The following ADAMTS20 variants were observed in gnomAD, a reference collection of about 807,000 sequenced individuals.
ADAMTS20 encodes A disintegrin and metalloproteinase with thrombospondin motifs 20.
Under a neutral mutation model 260.1 loss-of-function variants are expected in ADAMTS20, and 225 were observed. That is an observed-to-expected ratio of 0.87 (90% confidence interval 0.78 to 0.97). The LOEUF is 0.97. Among genes scored for constraint, ADAMTS20 ranks in the 50% least tolerant of loss-of-function variants. The pLI, the probability that ADAMTS20 is intolerant of heterozygous loss-of-function variation, is 0.00. For missense variants in ADAMTS20, 2,400 were observed against 2,337.7 expected, an observed-to-expected ratio of 1.03 and a Z score of -0.55; for synonymous variants, 802 against 769.5, an observed-to-expected ratio of 1.04 and a Z score of -0.70.
At chr12:43,359,028 T>C (rs1279541059) in intron 37 of ADAMTS20, among the ~76,000 whole-genome samples, 1 of 152,092 alleles carries the variant, frequency 6.6e-6, no homozygotes, top group East Asian at 1.9e-4. Context: ...TAGTTCAACA[T>C]ACGAGGTCCT....
chr12:43,462,781 T>G (rs996875942), intron 11 of ADAMTS20, 114 bp downstream of exon 11: 4 of 755,068 alleles, frequency 5.3e-6, no homozygotes, highest in Non-Finnish European at 8.6e-6. Flanking sequence ...ATAACATTAA[T>G]TCGACTAGCT....
rs139705747 is a variant in ADAMTS20 at position 43,453,999 on chromosome 12, A to G, written c.1668T>C (p.Asn556=). Residue 556 remains asparagine, a synonymous_variant, in exon 12 of 39, where the codon AAT becomes AAC. Coordinates refer to ENST00000389420, the MANE Select transcript of ADAMTS20 (RefSeq NM_025003.5). ...AAGGTTCCCATGGTCCCCATTCACC[A>G]TTTACAGGACGTGTTTCCGTTTCTT... ...VNKETETRPV[N]GEWGPWEPYS... is the part of the protein sequence containing the mutation. 6.2e-7 allele frequency: 1 copy of G among 1,613,770 alleles called. No homozygotes were observed. The highest frequency in any genetic ancestry group is 8.5e-7 in the Non-Finnish European group (1 of 1,179,790).
intron 29 of ADAMTS20, among the ~76,000 whole-genome samples, chr12:43,387,097 G>A (rs1053069179): frequency 2.0e-5 from 3 of 152,146 alleles, no homozygotes; most frequent in African/African-American, 7.2e-5. Flanking sequence ...CAGGCTTTTT[G>A]TGCTAGTTTT....
chr12:43,544,101 T>C (rs976359554), intron 2 of ADAMTS20, among the ~76,000 whole-genome samples: 1 of 152,166 alleles, frequency 6.6e-6, no homozygotes, highest in Non-Finnish European at 1.5e-5. Context: ...AGCTTAAATA[T>C]ATTTCATAGA....
chr12:43,500,553 A>G (rs1353814359), intron 4 of ADAMTS20, among the ~76,000 whole-genome samples: 1 of 152,246 alleles, frequency 6.6e-6, no homozygotes, highest in Non-Finnish European at 1.5e-5. Flanking sequence ...CAGAATTTAA[A>G]AAAAGTAATT....
At chr12:43,542,649 T>C (rs1336058105) in intron 2 of ADAMTS20, among the ~76,000 whole-genome samples, 3 of 152,220 alleles carry the variant, frequency 2.0e-5, no homozygotes. Context: ...ATTTAGTTTT[T>C]CCCTATAATA....
At chr12:43,537,118 G>A (rs745753979) in intron 2 of ADAMTS20, among the ~76,000 whole-genome samples, 2 of 151,872 alleles carry the variant, frequency 1.3e-5, no homozygotes, top group South Asian at 2.1e-4. Flanking sequence ...TACCAAGGCC[G>A]GAGTGCAGTG....
chr12:43,404,178 GACACACACACACACACACACACACAC>G (rs3031172), intron 28 of ADAMTS20, among the ~76,000 whole-genome samples: 1 of 145,902 alleles, frequency 6.9e-6, no homozygotes, highest in Non-Finnish European at 1.5e-5. Flanking sequence ...ATATTGTGGG[GACACACACACACACACACACACACAC>G]ACACACACAC....
intron 36 of ADAMTS20, among the ~76,000 whole-genome samples, 152 bp downstream of exon 36, chr12:43,375,227 T>C (rs1286662120): frequency 6.9e-6 from 1 of 145,518 alleles, no homozygotes; most frequent in Non-Finnish European, 1.5e-5. Flanking sequence ...GCAGAGGAAG[T>C]ATGTAGCTAA....
chr12:43,427,544 A>AG, intron 26 of ADAMTS20, 75 bp from the exon 27 acceptor site: 1 of 1,349,302 alleles, frequency 7.4e-7, no homozygotes, highest in South Asian at 1.6e-5. Context: ...AAAAAAAAAA[A>AG]TCAGCATTGA....
At chr12:43,365,868 A>C (rs757788973) in intron 37 of ADAMTS20, among the ~76,000 whole-genome samples, 1 of 151,948 alleles carries the variant, frequency 6.6e-6, no homozygotes, top group Non-Finnish European at 1.5e-5. Context: ...AAGCCTTTGA[A>C]TAACCACTAA....
chr12:43,372,725 A>G (rs1410900535), intron 36 of ADAMTS20, among the ~76,000 whole-genome samples: 2 of 152,234 alleles, frequency 1.3e-5, no homozygotes, highest in African/African-American at 4.8e-5. Flanking sequence ...CACTGAGCCT[A>G]GAGGACAAGG....
rs1025039020 is a variant in ADAMTS20, at chr12:43,432,907, G to T, written c.2721-96C>A. 4.4e-6 allele frequency: 5 copies of T among 1,128,044 alleles called. No individual in the cohort carries two copies. In the African/African-American group the frequency reaches 4.7e-5, roughly 11 times the overall value. The allele number at this position is 1,128,044 out of a possible 1,614,324, so 69.9% of individuals were successfully genotyped here. A position where few individuals can be genotyped will look rare whatever the true frequency, so the allele number is the denominator to read the frequency against. On this transcript the variant is annotated intron_variant, in intron 19 of 38. Transcript: ENST00000389420. ...GCATTCAGTTTTTAAAATCCTAAAA[G>T]TTGATAGACAAACCACCAAAAAACA...
intron 29 of ADAMTS20, among the ~76,000 whole-genome samples, chr12:43,388,777 T>C (rs1385518143): frequency 6.6e-6 from 1 of 152,168 alleles, no homozygotes; most frequent in South Asian, 2.1e-4. Flanking sequence ...CAAAATACCA[T>C]AAACAGAATG....
Position 43,376,063 on chromosome 12 carries a change from C to T in ADAMTS20, c.5306G>A (p.Gly1769Asp), listed in dbSNP as rs747882336. Residue 1769 changes from glycine to aspartate, a missense_variant, in exon 35 of 39, where the codon GGC becomes GAC. Gly to Asp is a moderately conservative substitution (Grantham distance 94). Transcript: ENST00000389420. ...ACCAAAACACATCTCGTACCTAAAGCCATACACTTCAGAAAAGTTTTCTTC... is the reference window on the plus strand; with the variant it reads ...ACCAAAACACATCTCGTACCTAAAGTCATACACTTCAGAAAAGTTTTCTTC... ...QGEENFSEVY[G>D]FRLKNPYQCP... 4 of 1,604,798 alleles carry T rather than the reference C, an allele frequency of 2.5e-6. No homozygotes were observed. The highest frequency in any genetic ancestry group is 2.2e-5 in the East Asian group (1 of 44,732).
chr12:43,489,948 C>T (rs1942577021), intron 7 of ADAMTS20, among the ~76,000 whole-genome samples: 1 of 151,888 alleles, frequency 6.6e-6, no homozygotes, highest in South Asian at 2.1e-4. Flanking sequence ...TAGGAACATA[C>T]ATATGTAATA....
chr12:43,402,172 C>G (rs1351857801), intron 28 of ADAMTS20, among the ~76,000 whole-genome samples: 5 of 151,946 alleles, frequency 3.3e-5, no homozygotes, highest in African/African-American at 9.7e-5. Flanking sequence ...TTTTAGATCA[C>G]CCATATCACC....
At chr12:43,382,022 C>A (rs1283466353) in intron 31 of ADAMTS20, among the ~76,000 whole-genome samples, 1 of 151,928 alleles carries the variant, frequency 6.6e-6, no homozygotes, top group Non-Finnish European at 1.5e-5. Context: ...AAATAGGAAC[C>A]TTTATACATT....
At chr12:43,544,249 T>C (rs1394834545) in intron 2 of ADAMTS20, among the ~76,000 whole-genome samples, 1 of 152,218 alleles carries the variant, frequency 6.6e-6, no homozygotes, top group African/African-American at 2.4e-5. Context: ...ATACAGAATT[T>C]CTTAAATGTG....
Sources: gnomAD v4.1 joint callset for allele counts (sites outside exome capture counted in the v4.1 genomes callset) on GRCh38, gnomAD v4.1.1 for gene constraint, MANE v1.5 for transcripts, NCBI Gene and HGNC (gene_info 2026-07-23, HGNC 2026-07-21) for gene names.